SEL1L2: variants seen among roughly 807,000 people sequenced by gnomAD.
The protein encoded by SEL1L2 is SEL1L2 adaptor subunit of SYVN1 ubiquitin ligase.
SEL1L2 carries 89 observed loss-of-function variants against 98.8 expected under a neutral mutation model. That is an observed-to-expected ratio of 0.90 (90% CI 0.76 to 1.07). SEL1L2 has a LOEUF of 1.07. Among genes scored for constraint, SEL1L2 ranks in the 50% least tolerant of loss-of-function variants. The pLI is 0.00. For missense variants in SEL1L2, 788 were observed against 812.0 expected (o/e 0.97, Z 0.36); for synonymous variants, 262 against 278.5 (o/e 0.94, Z 0.59).
intron 9 of SEL1L2, among the ~76,000 whole-genome samples, chr20:13,885,717 G>T (rs903997189): frequency 3.9e-5 from 6 of 152,110 alleles, no homozygotes; most frequent in Non-Finnish European, 8.8e-5. Context: ...AACCTTTCTG[G>T]ATTGCCGTAG....
intron 4 of SEL1L2, among the ~76,000 whole-genome samples, chr20:13,914,826 T>G (rs2048336065): frequency 6.6e-6 from 1 of 152,130 alleles, no homozygotes; most frequent in African/African-American, 2.4e-5. Context: ...GTGTGAACAT[T>G]TAGTGATTAA....
At chr20:13,961,770 G>T (rs2050782306) in intron 1 of SEL1L2, among the ~76,000 whole-genome samples, 1 of 152,186 alleles carries the variant, frequency 6.6e-6, no homozygotes, top group Admixed American at 6.5e-5. Flanking sequence ...AACCACTTCC[G>T]GAGGGTAGAA....
intron 6 of SEL1L2, 128 bp downstream of exon 6, chr20:13,888,331 T>C (rs2047051314): frequency 4.3e-6 from 3 of 693,554 alleles, no homozygotes; most frequent in Admixed American, 3.2e-5. Flanking sequence ...CTAAATTTCT[T>C]TGACTATTAA....
intron 12 of SEL1L2, among the ~76,000 whole-genome samples, chr20:13,870,922 CAA>C (rs534578783): frequency 2.8e-4 from 15 of 53,184 alleles, no homozygotes; most frequent in African/African-American, 3.2e-4. Context: ...AACTCCATCT[CAA>C]AAAAAAAAAA....
intron 1 of SEL1L2, among the ~76,000 whole-genome samples, chr20:13,982,811 G>T (rs1352697578): frequency 6.6e-6 from 1 of 151,180 alleles, no homozygotes; most frequent in Non-Finnish European, 1.5e-5. Flanking sequence ...GGATTACAAG[G>T]TCAGGAGACT....
intron 2 of SEL1L2, among the ~76,000 whole-genome samples, chr20:13,947,031 T>C (rs1600866552): frequency 6.6e-6 from 1 of 152,062 alleles, no homozygotes. Flanking sequence ...GACATGTAGA[T>C]GGCAGCAGGA....
At chr20:13,889,715 C>T (rs938755553) in intron 5 of SEL1L2, among the ~76,000 whole-genome samples, 35 of 151,984 alleles carry the variant, frequency 2.3e-4, no homozygotes, top group African/African-American at 7.5e-4. Context: ...GGTGTGAACC[C>T]GGGAGGCGGA....
intron 11 of SEL1L2, 63 bp downstream of exon 11, chr20:13,877,457 T>C: frequency 3.0e-6 from 4 of 1,316,028 alleles, no homozygotes; most frequent in South Asian, 1.2e-5. Context: ...CACGCTGCTA[T>C]GCCCAGTTTA....
chr20:13,866,564 T>C, intron 15 of SEL1L2, 138 bp downstream of exon 15: 1 of 705,762 alleles, frequency 1.4e-6, no homozygotes, highest in Non-Finnish European at 2.2e-6. Context: ...CTCTGACAAA[T>C]GTCAGTATTC....
Position 13,913,847 on chromosome 20 carries a change from T to C in SEL1L2, c.484A>G (p.Asn162Asp). 1 of 1,560,832 alleles carries C rather than the reference T, an allele frequency of 6.4e-7. No individual in the cohort carries two copies. The highest frequency in any genetic ancestry group is 8.6e-7 in the Non-Finnish European group (1 of 1,162,036). The change falls in exon 5 of 20, where the codon AAT becomes GAT. Residue 162 changes from asparagine to aspartate, a missense_variant. Transcript: ENST00000284951. Reference protein sequence around the residue: ...ALLFGNFGVQNITAAIQLYES... With the variant: ...ALLFGNFGVQDITAAIQLYES... The stretch of plus-strand genomic sequence containing the variant: ...TATAATTGGATAGCTGCTGTTATAT[T>C]TTGCACGCCAAAATTTCCAAATAGC...
chr20:13,903,934 T>C (rs976787753), intron 5 of SEL1L2, among the ~76,000 whole-genome samples: 1 of 152,238 alleles, frequency 6.6e-6, no homozygotes, highest in Non-Finnish European at 1.5e-5. Flanking sequence ...ACTGCCATTA[T>C]CAAGCCCACA....
upstream of SEL1L2, among the ~76,000 whole-genome samples, chr20:13,993,121 A>G (rs1266780636): frequency 6.6e-6 from 1 of 152,182 alleles, no homozygotes. Context: ...CAATGGACAG[A>G]AGAGGGGCAA....
chr20:13,933,768 G>C (rs1446674173), intron 2 of SEL1L2, among the ~76,000 whole-genome samples: 1 of 152,072 alleles, frequency 6.6e-6, no homozygotes, highest in Non-Finnish European at 1.5e-5. Context: ...AGACTATGTG[G>C]AGAAAAGGTT....
At chr20:13,921,981 C>G (rs551464886) in intron 3 of SEL1L2, among the ~76,000 whole-genome samples, 1 of 152,124 alleles carries the variant, frequency 6.6e-6, no homozygotes, top group Non-Finnish European at 1.5e-5. Flanking sequence ...AAATTAAGTA[C>G]AAGAACTGAA....
intron 1 of SEL1L2, among the ~76,000 whole-genome samples, chr20:13,956,876 G>A (rs1284163833): frequency 2.0e-5 from 3 of 152,036 alleles, no homozygotes; most frequent in African/African-American, 4.8e-5. Context: ...TTCAATTGCT[G>A]TAAACAAACA....
chr20:13,879,997 A>G (rs182410123), intron 10 of SEL1L2, among the ~76,000 whole-genome samples: 9 of 152,266 alleles, frequency 5.9e-5, no homozygotes, highest in Non-Finnish European at 1.2e-4. Context: ...GCATTCATCC[A>G]TTGATTTCAT....
intron 1 of SEL1L2, among the ~76,000 whole-genome samples, chr20:13,987,386 C>G (rs1219630699): frequency 1.3e-5 from 2 of 149,832 alleles, no homozygotes; most frequent in Non-Finnish European, 3.0e-5. Context: ...TGTTCTGTTG[C>G]CCAGGCTGGA....
intron 18 of SEL1L2, among the ~76,000 whole-genome samples, chr20:13,853,045 T>C (rs961400969): frequency 2.6e-5 from 4 of 152,144 alleles, no homozygotes; most frequent in African/African-American, 9.7e-5. Flanking sequence ...CTGGTAATAT[T>C]TTATACACAT....
intron 5 of SEL1L2, among the ~76,000 whole-genome samples, chr20:13,908,512 T>C (rs2048078613): frequency 2.0e-5 from 3 of 152,180 alleles, no homozygotes; most frequent in Admixed American, 2.0e-4. Flanking sequence ...TTCATCAATA[T>C]TAAGGAAAGA....
Sources: allele counts gnomAD v4.1 joint callset (sites outside exome capture counted in the v4.1 genomes callset), GRCh38; gene constraint gnomAD v4.1.1; transcripts MANE v1.5; gene names NCBI Gene and HGNC (gene_info 2026-07-23, HGNC 2026-07-21).